The following SSC4D variants were observed in gnomAD, a reference collection of about 807,000 sequenced individuals.
SSC4D encodes scavenger receptor cysteine rich family member with 4 domains.
SSC4D carries 57 observed loss-of-function variants against 63.4 expected under a neutral mutation model. The observed-to-expected ratio is 0.90, with a 90% confidence interval of 0.73 to 1.12. The LOEUF (loss-of-function observed/expected upper bound fraction) is 1.12. SSC4D is among the 50% of genes most tolerant of loss of function. The pLI is 0.00. For synonymous variants in SSC4D, 352 were observed against 345.4 expected, an observed-to-expected ratio of 1.02 and a Z score of -0.21; for missense variants, 791 against 806.4, an observed-to-expected ratio of 0.98 and a Z score of 0.23.
Position 76,392,878 on chromosome 7 carries a change from GTAGGGCCTAC to G in SSC4D, c.1333+517_1333+526del, listed in dbSNP as rs1804523137. On this transcript the variant is annotated intron_variant, in intron 9 of 10. Coordinates refer to ENST00000275560, the MANE Select transcript of SSC4D (RefSeq NM_080744.2). ...CCCTCTGTGGCCAAAACTATGGGAA[GTAGGGCCTAC>G]TAGCCCTGGGGCACCAAATGAGGGT... Among the ~76,000 whole-genome samples, 3 of 152,068 alleles carry G rather than the reference GTAGGGCCTAC, an allele frequency of 2.0e-5. No homozygotes were observed. The South Asian group carries it at 6.2e-4, about 31-fold the overall frequency.
intron 6 of SSC4D, 88 bp downstream of exon 6, chr7:76,397,430 A>C: frequency 7.1e-7 from 1 of 1,405,364 alleles, no homozygotes; most frequent in East Asian, 2.6e-5. Context: ...CTCCCCATCC[A>C]CCTCCCCACC....
rs1180029430 is a variant in SSC4D, at chr7:76,404,311, T to C, written c.129A>G (p.Pro43=). ...PQALSFLLLL[P]LASALQPTPL... is the part of the protein sequence containing the mutation. The stretch of plus-strand genomic sequence containing the variant: ...GGCTAACAGGGGAGGACTCACCCAG[T>C]GGCAGGAGGAGAAGGAAAGACAGGG... Residue 43 remains proline, a synonymous_variant, in exon 2 of 11, where the codon CCA becomes CCG. Coordinates refer to ENST00000275560, the MANE Select transcript of SSC4D (RefSeq NM_080744.2). 1 of 1,598,640 alleles carries C rather than the reference T, an allele frequency of 6.3e-7. No homozygotes were observed. Among genetic ancestry groups the C allele is most frequent in the Non-Finnish European group, 8.5e-7 (1 of 1,172,436 alleles).
In SSC4D at chr7:76,393,402, C is replaced by T. The variant is rs762234561; in HGVS notation, c.1333+3G>A. 5 of 1,431,886 alleles carry T rather than the reference C, an allele frequency of 3.5e-6. No individual in the cohort carries two copies. The highest frequency in any genetic ancestry group is 1.5e-5 in the South Asian group (1 of 68,418). The allele number at this position is 1,431,886 out of a possible 1,614,324, so 88.7% of individuals were successfully genotyped here. On this transcript the variant is annotated splice_donor_region_variant and intron_variant, in intron 9 of 10. Transcript: ENST00000275560. ...TCAGCCTCACCTTCGCTGTCAGCCTCACCTGCGCAGAGCGCTCCCGCGTCC... is the reference window on the plus strand; with the variant it reads ...TCAGCCTCACCTTCGCTGTCAGCCTTACCTGCGCAGAGCGCTCCCGCGTCC...
rs760792165 is a variant in SSC4D, at chr7:76,390,038, T to A, written c.*21A>T. ...AGGTCACAGCTCCCAGAAGAAGAGGTGGTCTGCAGAGCGGGCTGGGTCATG... is the reference window on the plus strand; with the variant it reads ...AGGTCACAGCTCCCAGAAGAAGAGGAGGTCTGCAGAGCGGGCTGGGTCATG... On this transcript the variant is annotated 3_prime_UTR_variant, in exon 11 of 11. Transcript: ENST00000275560. 7.4e-6 allele frequency: 12 copies of A among 1,613,182 alleles called. No homozygotes were observed. Among genetic ancestry groups the A allele is most frequent in the Non-Finnish European group, 1.7e-6 (2 of 1,179,570 alleles).
chr7:76,393,364 C>A, intron 9 of SSC4D, 41 bp downstream of exon 9: 3 of 1,324,170 alleles, frequency 2.3e-6, no homozygotes, highest in South Asian at 4.1e-5. Context: ...CGCCGCAGTG[C>A]GCGGCCCCGC....
rs1357765846 is a variant in SSC4D, at chr7:76,397,732, C to G, written c.654G>C (p.Trp218Cys). The G allele has an allele frequency of 1.2e-6, 2 of 1,613,220 alleles. No individual in the cohort carries two copies. Among genetic ancestry groups the G allele is most frequent in the African/African-American group, 1.3e-5 (1 of 74,932 alleles). The change falls in exon 6 of 11, where the codon TGG becomes TGC. Residue 218 changes from tryptophan (W) to cysteine (C), a missense_variant. Trp to Cys is a radical substitution (Grantham distance 215). Transcript: ENST00000275560. Reference sequence around the variant, plus strand: ...AGACCACAGCGGCATCCGGCAGCCCCCAGTCGTCGTCACACACGGTGCCCC... The same window carrying G: ...AGACCACAGCGGCATCCGGCAGCCCGCAGTCGTCGTCACACACGGTGCCCC... ...GLWGTVCDDD[W>C]GLPDAAVVCR...
In SSC4D at chr7:76,402,131, C is replaced by T. The variant is rs963347343; in HGVS notation, c.134-1088G>A. On this transcript the variant is annotated intron_variant, in intron 2 of 10. Transcript: ENST00000275560. ...AATACCGGAGTTCAATCCATCCTCC[C>T]GCCTCAGCCTCCAGAATAGCTGGGA... Among the ~76,000 whole-genome samples, 17 of 151,416 alleles carry T rather than the reference C, an allele frequency of 1.1e-4. 1 individual carries two copies. Among genetic ancestry groups the T allele is most frequent in the Admixed American group, 1.3e-4 (2 of 15,122 alleles).
chr7:76,393,825 C>CTT lies in SSC4D; in HGVS notation c.1021+3_1021+4dup, dbSNP rs766274644. The CTT allele has an allele frequency of 1.3e-6, 2 of 1,589,304 alleles. No homozygotes were observed. Among genetic ancestry groups the CTT allele is most frequent in the South Asian group, 2.3e-5 (2 of 87,692 alleles). On this transcript the variant is annotated splice_donor_region_variant and intron_variant, in intron 8 of 10. Coordinates refer to ENST00000275560, the MANE Select transcript of SSC4D (RefSeq NM_080744.2). Reference sequence around the variant, plus strand: ...TCCCCCGCAGACCCAGGCACCGCCACTTACTTTTCTTCCCCGCGGCCCAGG... The same window carrying CTT: ...TCCCCCGCAGACCCAGGCACCGCCACTTTTACTTTTCTTCCCCGCGGCCCAGG...
chr7:76,392,960 C>A (rs1804524887), intron 9 of SSC4D, among the ~76,000 whole-genome samples: 1 of 152,192 alleles, frequency 6.6e-6, no homozygotes, highest in African/African-American at 2.4e-5. Context: ...CAATGTTCTG[C>A]CAAACTGCAA....
At chr7:76,402,009 A>G (rs951998562) in intron 2 of SSC4D, among the ~76,000 whole-genome samples, 4 of 151,502 alleles carry the variant, frequency 2.6e-5, no homozygotes, top group African/African-American at 9.7e-5. Flanking sequence ...GAGTCCTTCT[A>G]CTTCATTCTT....
chr7:76,408,943 T>A (rs1805135099), intron 1 of SSC4D, among the ~76,000 whole-genome samples: 3 of 152,172 alleles, frequency 2.0e-5, no homozygotes, highest in Admixed American at 2.0e-4. Context: ...ACCTTCACCT[T>A]GCAAAGCCTC....
At position 76,397,634 on chromosome 7, in the gene SSC4D, A is replaced by AT; in HGVS notation, c.751dup (p.Ile251AsnfsTer122). Reference sequence around the variant, plus strand: ...TTCGCAGTGCACGTTGTCCAGCAGGATGTGTCCGGTGCCATAGCCGAAGAA... The same window carrying AT: ...TTCGCAGTGCACGTTGTCCAGCAGGATTGTGTCCGGTGCCATAGCCGAAGAA... On this transcript the variant is annotated frameshift_variant, in exon 6 of 11. Coordinates refer to ENST00000275560, the MANE Select transcript of SSC4D (RefSeq NM_080744.2). LOFTEE classifies it high-confidence loss of function. 2 of 1,613,482 alleles carry AT rather than the reference A, an allele frequency of 1.2e-6. No homozygotes were observed. Among genetic ancestry groups the AT allele is most frequent in the South Asian group, 2.2e-5 (2 of 91,046 alleles).
intron 7 of SSC4D, among the ~76,000 whole-genome samples, chr7:76,394,154 A>AT (rs1309022124): frequency 6.6e-6 from 1 of 152,122 alleles, no homozygotes; most frequent in African/African-American, 2.4e-5. Context: ...CCTAATTCCA[A>AT]TTGCACTGCT....
intron 9 of SSC4D, among the ~76,000 whole-genome samples, chr7:76,392,449 C>T (rs556567973): frequency 2.3e-3 from 340 of 150,672 alleles, no homozygotes; most frequent in African/African-American, 7.9e-3. Context: ...ACTCAGGAGG[C>T]TGAGGCAGGA....
Position 76,390,302 on chromosome 7 carries a change from GC to G in SSC4D, c.1484del (p.Gly495AlafsTer96), listed in dbSNP as rs753814648. ...GGTCCCAAGCATCATCACAGACAGT[GC>G]CCCACCGTTGCCCTAGGTAGAGCTC... ...RVELYLGQRW[G>X]TVCDDAWDLR... On this transcript the variant is annotated frameshift_variant, in exon 11 of 11. Transcript: ENST00000275560. LOFTEE classifies it high-confidence loss of function. 1 of 1,611,298 alleles carries G rather than the reference GC, an allele frequency of 6.2e-7. No homozygotes were observed. Among genetic ancestry groups the G allele is most frequent in the South Asian group, 1.1e-5 (1 of 90,718 alleles).
chr7:76,394,031 C>T (rs1804572121), intron 7 of SSC4D, 127 bp from the exon 8 acceptor site: 6 of 874,546 alleles, frequency 6.9e-6, no homozygotes, highest in Non-Finnish European at 1.0e-5. Flanking sequence ...AGCTGCAACC[C>T]CAGAGTCACC....
chr7:76,397,947 G>T, intron 5 of SSC4D, 115 bp from the exon 6 acceptor site: 1 of 1,079,976 alleles, frequency 9.3e-7, no homozygotes, highest in Non-Finnish European at 1.3e-6. Context: ...TGCTCACCCC[G>T]CTGCCCAGGG....
chr7:76,397,516 A>C lies in SSC4D; in HGVS notation c.868+2T>G. The C allele has an allele frequency of 6.5e-7, 1 of 1,537,320 alleles. No homozygotes were observed. The highest frequency in any genetic ancestry group is 8.7e-7 in the Non-Finnish European group (1 of 1,143,330). On this transcript the variant is annotated splice_donor_variant, in intron 6 of 10. Coordinates refer to ENST00000275560, the MANE Select transcript of SSC4D (RefSeq NM_080744.2). LOFTEE classifies it high-confidence loss of function. ...CCCGCCCATCGCCCCTAGAGCCCGC[A>C]CCTGCGCAGAGCGCGCCCGCGTCCT...
At chr7:76,402,204 A>C (rs1804855538) in intron 2 of SSC4D, among the ~76,000 whole-genome samples, 1 of 103,804 alleles carries the variant, frequency 9.6e-6, no homozygotes. Flanking sequence ...TTTTTTTGAG[A>C]CAGAGTCTTA....
Sources: gnomAD v4.1 joint callset for allele counts (sites outside exome capture counted in the v4.1 genomes callset) on GRCh38, gnomAD v4.1.1 for gene constraint, MANE v1.5 for transcripts, NCBI Gene and HGNC (gene_info 2026-07-23, HGNC 2026-07-21) for gene names.